Variants in CFAP77 observed in about 807,000 individuals in gnomAD.
The protein encoded by CFAP77 is cilia- and flagella-associated protein 77.
In CFAP77, 25 loss-of-function variants were observed where a neutral mutation model predicts 31.1. The ratio of observed to expected loss-of-function variants is 0.80; its 90% CI spans 0.59 to 1.12. The LOEUF is 1.12. Ranked by LOEUF, CFAP77 falls within the 50% of genes most tolerant of loss-of-function variation. The pLI is 0.00. For missense variants in CFAP77, 377 were observed against 397.3 expected (o/e 0.95, Z 0.44); for synonymous variants, 151 against 159.9 (o/e 0.94, Z 0.42).
In CFAP77 at chr9:132,542,939, C is replaced by T. The variant is rs577981040; in HGVS notation, c.631-7C>T. On this transcript the variant is annotated splice_polypyrimidine_tract_variant and splice_region_variant and intron_variant, in intron 4 of 5. Coordinates refer to ENST00000393216, the MANE Select transcript of CFAP77 (RefSeq NM_001282957.2). Reference sequence around the variant, plus strand: ...CCATCTCACCTTTGCCTTTCCCTGGCCTACAGGTGGTCCTTGGGAAGCTGT... The same window carrying T: ...CCATCTCACCTTTGCCTTTCCCTGGTCTACAGGTGGTCCTTGGGAAGCTGT... The T allele has an allele frequency of 6.2e-6, 10 of 1,612,508 alleles. No individual in the cohort carries two copies. Among genetic ancestry groups the T allele is most frequent in the South Asian group, 5.5e-5 (5 of 91,050 alleles).
At chr9:132,484,196 C>T (rs1273128152) in intron 1 of CFAP77, among the ~76,000 whole-genome samples, 1 of 152,088 alleles carries the variant, frequency 6.6e-6, no homozygotes, top group Non-Finnish European at 1.5e-5. Context: ...CCTCAGCCTC[C>T]CAAAGTGTTG....
At chr9:132,468,038 C>T (rs556321576) in intron 1 of CFAP77, among the ~76,000 whole-genome samples, 25 of 152,052 alleles carry the variant, frequency 1.6e-4, no homozygotes, top group Non-Finnish European at 3.4e-4. Context: ...TCAAAGGCCC[C>T]TTGCCTTAGA....
intron 1 of CFAP77, among the ~76,000 whole-genome samples, chr9:132,476,590 T>C (rs1312861832): frequency 1.3e-5 from 2 of 151,964 alleles, no homozygotes; most frequent in Non-Finnish European, 2.9e-5. Flanking sequence ...GGTGATCAAG[T>C]TAAGGCTCTC....
chr9:132,410,446 C>CAGA lies in CFAP77; in HGVS notation c.177_179dup (p.Gln59_Asn60insLys). ...GGGGGTCGTGCGGGACTCCATGTTT[C>CAGA]AGAACCCTCTCATCGTCAAGGTGAG... On this transcript the variant is annotated inframe_insertion, in exon 1 of 6. Transcript: ENST00000393216. The CAGA allele has an allele frequency of 6.3e-7, 1 of 1,588,486 alleles. No homozygotes were observed. The highest frequency in any genetic ancestry group is 8.5e-7 in the Non-Finnish European group (1 of 1,169,880).
intron 1 of CFAP77, among the ~76,000 whole-genome samples, chr9:132,470,626 T>C (rs564928017): frequency 3.0e-4 from 45 of 152,252 alleles, no homozygotes; most frequent in Non-Finnish European, 5.4e-4. Context: ...CTTGGAATAT[T>C]TGCTGATGTG....
chr9:132,531,954 A>G (rs1477729701), intron 3 of CFAP77, among the ~76,000 whole-genome samples: 1 of 152,182 alleles, frequency 6.6e-6, no homozygotes, highest in African/African-American at 2.4e-5. Context: ...ACTGCTGAGA[A>G]GAGAGCTTTT....
chr9:132,418,176 C>A (rs1004028178), intron 1 of CFAP77, among the ~76,000 whole-genome samples: 2 of 152,246 alleles, frequency 1.3e-5, no homozygotes, highest in African/African-American at 4.8e-5. Flanking sequence ...GCCAGGAGTT[C>A]TTAATTGAGG....
intron 1 of CFAP77, among the ~76,000 whole-genome samples, chr9:132,463,460 C>T (rs1851096069): frequency 1.3e-5 from 2 of 152,154 alleles, no homozygotes; most frequent in South Asian, 4.1e-4. Context: ...GGACAAATTG[C>T]TGAATGAAGT....
chr9:132,563,698 C>A (rs530615581), intron 5 of CFAP77, among the ~76,000 whole-genome samples: 3 of 152,326 alleles, frequency 2.0e-5, no homozygotes, highest in African/African-American at 7.2e-5. Context: ...TCTGGCTATG[C>A]CAAGTCTCTC....
intron 1 of CFAP77, among the ~76,000 whole-genome samples, chr9:132,452,182 G>A (rs558022384): frequency 1.3e-5 from 2 of 152,166 alleles, no homozygotes; most frequent in African/African-American, 2.4e-5. Flanking sequence ...TGTCTGCAGG[G>A]TGGGTCACAA....
rs551809592 is a variant in CFAP77 at position 132,497,048 on chromosome 9, C to T, written c.196-1647C>T. Among the ~76,000 whole-genome samples, 16 of 152,080 alleles carry T rather than the reference C, an allele frequency of 1.1e-4. No individual in the cohort carries two copies. The highest frequency in any genetic ancestry group is 1.8e-4 in the Non-Finnish European group (12 of 68,008). On this transcript the variant is annotated intron_variant, in intron 1 of 5. Coordinates refer to ENST00000393216, the MANE Select transcript of CFAP77 (RefSeq NM_001282957.2). This position sits in a 1 kb window ranked among gnomAD's most constrained non-coding sequence, Gnocchi z 4.9. ...AGAGACAGGGCTTGAAGAATAAGGA[C>T]CAGTAAGGGTGGGCCTTGAGCAAAG...
intron 1 of CFAP77, among the ~76,000 whole-genome samples, chr9:132,446,359 C>A (rs984559234): frequency 6.6e-6 from 1 of 152,000 alleles, no homozygotes; most frequent in East Asian, 1.9e-4. Context: ...TTTCTGTTTT[C>A]ACCGAGAACA....
At chr9:132,459,228 C>A (rs943706155) in intron 1 of CFAP77, among the ~76,000 whole-genome samples, 1 of 152,054 alleles carries the variant, frequency 6.6e-6, no homozygotes, top group Non-Finnish European at 1.5e-5. Context: ...CCCGCCACCA[C>A]GCCCAGCTAA....
At chr9:132,543,876 C>T (rs901991997) in intron 5 of CFAP77, among the ~76,000 whole-genome samples, 3 of 152,110 alleles carry the variant, frequency 2.0e-5, no homozygotes, top group African/African-American at 4.8e-5. Context: ...ATGTAAGAGC[C>T]GGGGGCACCG....
intron 5 of CFAP77, among the ~76,000 whole-genome samples, chr9:132,547,979 A>T (rs1468399673): frequency 6.6e-6 from 1 of 152,126 alleles, no homozygotes; most frequent in Non-Finnish European, 1.5e-5. Flanking sequence ...CAGACGGTAC[A>T]TCCTTCTGCC....
chr9:132,449,042 G>A (rs577393708), intron 1 of CFAP77, among the ~76,000 whole-genome samples: 2 of 152,342 alleles, frequency 1.3e-5, no homozygotes, highest in East Asian at 1.9e-4. Flanking sequence ...GTAGGGCACC[G>A]TGGAGGTGGG....
intron 1 of CFAP77, among the ~76,000 whole-genome samples, chr9:132,442,097 C>T (rs1850624312): frequency 6.6e-6 from 1 of 152,116 alleles, no homozygotes. Flanking sequence ...GGAATACAGG[C>T]GGTAAGACAG....
At chr9:132,414,649 G>A (rs1013794613) in intron 1 of CFAP77, among the ~76,000 whole-genome samples, 1 of 152,096 alleles carries the variant, frequency 6.6e-6, no homozygotes, top group African/African-American at 2.4e-5. Context: ...GGGAGTTCTG[G>A]GCAGGTCTCA....
chr9:132,562,027 A>T (rs1193240669), intron 5 of CFAP77, among the ~76,000 whole-genome samples: 2 of 152,232 alleles, frequency 1.3e-5, no homozygotes, highest in African/African-American at 4.8e-5. Flanking sequence ...GCCCCCATGA[A>T]GCTGGATAAG....
Sources: allele counts gnomAD v4.1 joint callset (sites outside exome capture counted in the v4.1 genomes callset), GRCh38; gene constraint gnomAD v4.1.1; non-coding constraint Gnocchi (gnomAD v3.1); transcripts MANE v1.5; gene names NCBI Gene and HGNC (gene_info 2026-07-23, HGNC 2026-07-21).